The following YPEL1 variants were observed in gnomAD, a reference collection of about 807,000 sequenced individuals.
YPEL1 encodes yippee like 1.
A neutral mutation model predicts 17.3 loss-of-function variants in YPEL1; 7 were observed. The observed-to-expected ratio is 0.40, with a 90% CI of 0.23 to 0.76. The LOEUF (loss-of-function observed/expected upper bound fraction) is 0.76. YPEL1 is among the 30% of genes least tolerant of loss of function. YPEL1 has a pLI of 0.35. For missense variants in YPEL1, 91 were observed against 155.5 expected (o/e 0.59, Z 2.21); for synonymous variants, 59 against 59.6 (o/e 0.99, Z 0.05).
rs151083513 is a variant in YPEL1 at position 21,697,979 on chromosome 22, G to A, written c.*3150C>T. On this transcript the variant is annotated 3_prime_UTR_variant, in exon 5 of 5. Transcript: ENST00000339468. ...CATTAAGGTATAAAAAATACTGTGT[G>A]TATAAAACAATGCCAAACCACATTC... The A allele has an allele frequency of 3.9e-5, 6 of 152,430 alleles. No homozygotes were observed. The highest frequency in any genetic ancestry group is 1.2e-4 in the African/African-American group (5 of 41,570). 9.4% of individuals were successfully genotyped at this position (152,430 alleles called of 1,614,324 possible).
At chr22:21,719,341 CTG>C (rs1314805306) in intron 1 of YPEL1, among the ~76,000 whole-genome samples, 3 of 152,226 alleles carry the variant, frequency 2.0e-5, no homozygotes, top group Admixed American at 6.5e-5. Flanking sequence ...TGTTCAATCT[CTG>C]TGATATTTTC....
chr22:21,723,069 T>C (rs2148611714), intron 1 of YPEL1: 1 of 152,260 alleles, frequency 6.6e-6, no homozygotes, highest in East Asian at 1.9e-4. Context: ...CCTAACTTAG[T>C]GTGGACAACT....
intron 1 of YPEL1, among the ~76,000 whole-genome samples, chr22:21,725,786 A>T (rs1395310302): frequency 1.3e-5 from 2 of 150,804 alleles, no homozygotes; most frequent in Non-Finnish European, 3.0e-5. Flanking sequence ...TGAGCCCAGG[A>T]GTTCGAGACC....
chr22:21,714,327 T>G (rs1442108807), intron 1 of YPEL1, among the ~76,000 whole-genome samples: 3 of 152,196 alleles, frequency 2.0e-5, no homozygotes, highest in African/African-American at 7.2e-5. Context: ...CCTGAGATGC[T>G]GCCTAACTTG....
intron 1 of YPEL1, among the ~76,000 whole-genome samples, chr22:21,712,947 C>A (rs900128727): frequency 6.6e-6 from 1 of 151,962 alleles, no homozygotes; most frequent in African/African-American, 2.4e-5. Context: ...TAAAAATGGA[C>A]AAAGGACTTA....
intron 1 of YPEL1, among the ~76,000 whole-genome samples, chr22:21,715,556 TC>T (rs1439021336): frequency 6.6e-6 from 1 of 151,020 alleles, no homozygotes; most frequent in East Asian, 1.9e-4. Flanking sequence ...TATGTATAGT[TC>T]AAATAAAAAA....
intron 1 of YPEL1, among the ~76,000 whole-genome samples, chr22:21,719,767 C>T (rs927698774): frequency 4.6e-5 from 7 of 152,028 alleles, no homozygotes; most frequent in African/African-American, 1.4e-4. Context: ...GTGGCTCACG[C>T]CTGGAATCCC....
rs182176702 is a variant in YPEL1 at position 21,713,414 on chromosome 22, C to T, written c.-164-2506G>A. ...ATGATCAAAATGTGGCGTCTGCATA[C>T]AGTGGAATGTTATCCAGCCTTTAAC... On this transcript the variant is annotated intron_variant, in intron 1 of 4. Coordinates refer to ENST00000339468, the MANE Select transcript of YPEL1 (RefSeq NM_013313.5). Among the ~76,000 whole-genome samples the T allele has an allele frequency of 2.3e-3, 345 of 152,304 alleles. 3 individuals carry two copies. Among genetic ancestry groups the T allele is most frequent in the Admixed American group, 7.1e-3 (109 of 15,290 alleles).
intron 4 of YPEL1, among the ~76,000 whole-genome samples, 156 bp from the exon 5 acceptor site, chr22:21,701,374 C>T (rs1487988623): frequency 1.3e-5 from 2 of 152,178 alleles, no homozygotes; most frequent in Non-Finnish European, 2.9e-5. Flanking sequence ...GGGTCTGTTC[C>T]AGGTGAGTCC....
At chr22:21,721,783 T>C (rs2068286437) in intron 1 of YPEL1, among the ~76,000 whole-genome samples, 1 of 151,724 alleles carries the variant, frequency 6.6e-6, no homozygotes, top group Non-Finnish European at 1.5e-5. Context: ...GGACAGAACA[T>C]TGTAGACTCT....
At position 21,697,935 on chromosome 22, in the gene YPEL1, A is replaced by AGAT. The variant is rs1205305740; in HGVS notation, c.*3191_*3193dup. 1.3e-5 allele frequency: 2 copies of AGAT among 152,390 alleles called. No individual in the cohort carries two copies. The highest frequency in any genetic ancestry group is 4.8e-5 in the African/African-American group (2 of 41,472). The allele number at this position is 152,390 out of a possible 1,614,324, so 9.4% of individuals were successfully genotyped here. ...CTTATTTTCAATTCTAATATCTGAC[A>AGAT]GATGCCATCAAGAATAAGCATTAAG... On this transcript the variant is annotated 3_prime_UTR_variant, in exon 5 of 5. Transcript: ENST00000339468.
chr22:21,722,427 A>T (rs189081415), intron 1 of YPEL1, among the ~76,000 whole-genome samples: 1 of 151,844 alleles, frequency 6.6e-6, no homozygotes, highest in African/African-American at 2.4e-5. Flanking sequence ...AAAAAACCCC[A>T]AAACCAAAAA....
At chr22:21,721,271 C>T (rs2068279749) in intron 1 of YPEL1, among the ~76,000 whole-genome samples, 1 of 150,586 alleles carries the variant, frequency 6.6e-6, no homozygotes, top group Admixed American at 6.6e-5. Flanking sequence ...TGCCACCACG[C>T]CCGGCTAATT....
rs999532394 is a variant in YPEL1, at chr22:21,703,708, C to G, written c.161+131G>C. On this transcript the variant is annotated intron_variant, in intron 3 of 4. Transcript: ENST00000339468. The surrounding 1 kb of genome is among the most constrained non-coding windows in gnomAD (Gnocchi z 6.1). ...ATCCTTAGCGCGTTTCAGAAACTCCCGGCGGGGGGATGGTGGGTTCTTTCA... is the reference window on the plus strand; with the variant it reads ...ATCCTTAGCGCGTTTCAGAAACTCCGGGCGGGGGGATGGTGGGTTCTTTCA... The G allele has an allele frequency of 1.5e-5, 15 of 990,436 alleles. No individual in the cohort carries two copies. Among genetic ancestry groups the G allele is most frequent in the African/African-American group, 3.3e-5 (2 of 59,998 alleles). 61.4% of individuals were successfully genotyped at this position (990,436 alleles called of 1,614,324 possible).
At chr22:21,719,092 T>C (rs914659102) in intron 1 of YPEL1, among the ~76,000 whole-genome samples, 3 of 152,158 alleles carry the variant, frequency 2.0e-5, no homozygotes, top group Non-Finnish European at 2.9e-5. Flanking sequence ...ATCTCTTCCA[T>C]CTGGCATCTC....
chr22:21,705,707 T>C (rs2068108367), intron 2 of YPEL1, among the ~76,000 whole-genome samples: 1 of 152,030 alleles, frequency 6.6e-6, no homozygotes, highest in South Asian at 2.1e-4. Flanking sequence ...TGTTCATAAT[T>C]AGGAAAACAA....
At chr22:21,721,821 G>T (rs371205531) in intron 1 of YPEL1, among the ~76,000 whole-genome samples, 1 of 152,054 alleles carries the variant, frequency 6.6e-6, no homozygotes, top group East Asian at 1.9e-4. Flanking sequence ...GATCTCTAGG[G>T]CTCGTTCATC....
chr22:21,726,836 G>A (rs541353269), intron 1 of YPEL1, among the ~76,000 whole-genome samples: 8 of 152,256 alleles, frequency 5.3e-5, no homozygotes, highest in South Asian at 4.1e-4. Context: ...CTCAGCTCTC[G>A]CCTCCACCTT....
intron 2 of YPEL1, among the ~76,000 whole-genome samples, chr22:21,708,305 C>T (rs1245841125): frequency 6.7e-6 from 1 of 149,454 alleles, no homozygotes; most frequent in Non-Finnish European, 1.5e-5. Context: ...CATTTGGCAC[C>T]AAATGACTTC....
Sources: allele counts gnomAD v4.1 joint callset (sites outside exome capture counted in the v4.1 genomes callset), GRCh38; gene constraint gnomAD v4.1.1; non-coding constraint Gnocchi (gnomAD v3.1); transcripts MANE v1.5; gene names NCBI Gene and HGNC (gene_info 2026-07-23, HGNC 2026-07-21).